Variants in TEX36 observed in about 807,000 individuals in gnomAD.
The protein encoded by TEX36 is testis expressed 36, also known as testis-expressed protein 36.
In TEX36, 12 loss-of-function variants were observed where a neutral mutation model predicts 13.6. That is an observed-to-expected ratio of 0.88 (90% CI 0.56 to 1.43). TEX36 has a LOEUF of 1.43. Among genes scored for constraint, TEX36 ranks in the 40% most tolerant of loss-of-function variants. TEX36 has a pLI of 0.00. For missense variants in TEX36, 224 were observed against 228.3 expected, an observed-to-expected ratio of 0.98 and a Z score of 0.12; for synonymous variants, 93 against 83.0, an observed-to-expected ratio of 1.12 and a Z score of -0.65.
Position 125,581,515 on chromosome 10 carries a change from T to C in TEX36, c.265-4641A>G, listed in dbSNP as rs552054720. The stretch of plus-strand genomic sequence containing the variant: ...CTGTCCCACTTTTCCCCCAGGTCCT[T>C]ACAAGGACTTTCTGGAAACACCTTT... On this transcript the variant is annotated intron_variant, in intron 3 of 3. Coordinates refer to the TEX36 transcript ENST00000532135. Among the ~76,000 whole-genome samples, 164 of 152,292 alleles carry C rather than the reference T, an allele frequency of 1.1e-3. 2 individuals carry two copies. The South Asian group carries it at 0.013, about 12-fold the overall frequency.
At position 125,661,892 on chromosome 10, in the gene TEX36, C is replaced by G. The variant is rs915956846; in HGVS notation, c.137G>C (p.Arg46Pro). ...GGGCGGCAGCTTCCCCTCCGCTTGC[C>G]GAGGCAAGTGTGGACTCTGGGGCTC... ...SKEPQSPHLP[R>P]QAEGKLPPIY... The change falls in exon 2 of 4, where the codon CGG (arginine) becomes CCG (proline). Residue 46 changes from arginine to proline, a missense_variant. Transcript: ENST00000368821. 3 of 1,552,020 alleles carry G rather than the reference C, an allele frequency of 1.9e-6. No homozygotes were observed. In the African/African-American group the frequency reaches 4.1e-5, roughly 21 times the overall value.
At chr10:125,658,470 G>A (rs1031337175) in intron 3 of TEX36, among the ~76,000 whole-genome samples, 1 of 151,898 alleles carries the variant, frequency 6.6e-6, no homozygotes, top group African/African-American at 2.4e-5. Context: ...GAAATTGACA[G>A]ATCAATACAA....
intron 3 of TEX36, among the ~76,000 whole-genome samples, chr10:125,625,889 G>A (rs1311516297): frequency 3.9e-5 from 6 of 152,200 alleles, no homozygotes; most frequent in African/African-American, 1.2e-4. Flanking sequence ...CTCTGAGCAC[G>A]CTCCCTCTGG....
intron 3 of TEX36, among the ~76,000 whole-genome samples, chr10:125,580,601 C>T (rs1565165660): frequency 6.6e-6 from 1 of 152,152 alleles, no homozygotes; most frequent in Non-Finnish European, 1.5e-5. Context: ...TGGAAGGGAT[C>T]AGACCCCAAC....
intron 3 of TEX36, among the ~76,000 whole-genome samples, chr10:125,580,973 CAG>C (rs890067500): frequency 1.3e-5 from 2 of 152,124 alleles, no homozygotes; most frequent in African/African-American, 4.8e-5. Flanking sequence ...CACTTGCTGT[CAG>C]AGAGAGTGAA....
chr10:125,609,685 T>C (rs1020697061), intron 3 of TEX36, among the ~76,000 whole-genome samples: 8 of 152,214 alleles, frequency 5.3e-5, no homozygotes, highest in Non-Finnish European at 7.3e-5. Flanking sequence ...ACATTTGCCC[T>C]GTTTATATGA....
Position 125,677,225 on chromosome 10 carries a change from G to A in TEX36, c.51+5714C>T, listed in dbSNP as rs1485582440. ...CTGCCTGGGGACTGTTGAATTTCTT[G>A]TACCAGAATGTCTAGATCTCTTTCT... is the stretch of plus-strand genomic sequence containing the variant. On this transcript the variant is annotated intron_variant, in intron 1 of 3. Transcript: ENST00000368821. Among the ~76,000 whole-genome samples the A allele has an allele frequency of 2.0e-5, 3 of 152,118 alleles. No individual in the cohort carries two copies. In the East Asian group the frequency reaches 5.8e-4, roughly 29 times the overall value.
chr10:125,662,011 G>C, intron 1 of TEX36, 34 bp from the exon 2 acceptor site: 1 of 1,552,114 alleles, frequency 6.4e-7, no homozygotes. Flanking sequence ...ATTAAAACCA[G>C]ACACATTTGA....
chr10:125,682,127 A>G (rs1847405642), intron 1 of TEX36, among the ~76,000 whole-genome samples: 1 of 152,182 alleles, frequency 6.6e-6, no homozygotes, highest in South Asian at 2.1e-4. Context: ...CTTTTTGTGA[A>G]TGAATTGTAG....
chr10:125,647,739 A>T (rs571988825), intron 3 of TEX36, among the ~76,000 whole-genome samples: 2 of 152,260 alleles, frequency 1.3e-5, no homozygotes, highest in East Asian at 3.9e-4. Context: ...GGGGTCAGGG[A>T]ATTCCCTTTC....
At chr10:125,662,869 G>C (rs538876298) in intron 1 of TEX36, among the ~76,000 whole-genome samples, 4 of 152,322 alleles carry the variant, frequency 2.6e-5, no homozygotes, top group African/African-American at 9.6e-5. Flanking sequence ...CTGAAGGGGG[G>C]TGTGGCTAGC....
At chr10:125,610,825 A>G (rs905714270) in intron 3 of TEX36, among the ~76,000 whole-genome samples, 2 of 152,122 alleles carry the variant, frequency 1.3e-5, no homozygotes, top group Admixed American at 1.3e-4. Context: ...TTTCATCTGG[A>G]ATTTACATTT....
At chr10:125,615,154 G>T (rs1436609806) in intron 3 of TEX36, among the ~76,000 whole-genome samples, 1 of 152,144 alleles carries the variant, frequency 6.6e-6, no homozygotes, top group Admixed American at 6.5e-5. Context: ...CTTTGCTGAA[G>T]TTGCTTATCA....
rs144152698 is a variant in TEX36, at chr10:125,674,241, G to A, written c.51+8698C>T. 3.3e-5 allele frequency among the ~76,000 whole-genome samples: 5 copies of A among 152,140 alleles called. No homozygotes were observed. In the East Asian group the frequency reaches 7.7e-4, roughly 24 times the overall value. On this transcript the variant is annotated intron_variant, in intron 1 of 3. Coordinates refer to ENST00000368821, the MANE Select transcript of TEX36 (RefSeq NM_001128202.3). ...TTGATACTTGTGGTTGCATTGTGAC[G>A]TTTTCATGTTGAGTTTTTCAGCTCC...
intron 1 of TEX36, among the ~76,000 whole-genome samples, chr10:125,670,306 A>G (rs1245473480): frequency 6.6e-6 from 1 of 152,202 alleles, no homozygotes; most frequent in East Asian, 1.9e-4. Context: ...ATCAGATGGT[A>G]TCTCATTGTG....
chr10:125,625,577 G>A (rs1215424918), intron 3 of TEX36, among the ~76,000 whole-genome samples: 6 of 152,250 alleles, frequency 3.9e-5, no homozygotes, highest in Non-Finnish European at 1.5e-5. Context: ...GAGGCAGACT[G>A]GAAGGTGAAA....
At chr10:125,633,923 G>C (rs1428714405) in intron 3 of TEX36, among the ~76,000 whole-genome samples, 1 of 152,120 alleles carries the variant, frequency 6.6e-6, no homozygotes, top group African/African-American at 2.4e-5. Context: ...CGGGAGGCAG[G>C]GAGCACTTTA....
intron 3 of TEX36, among the ~76,000 whole-genome samples, chr10:125,645,803 T>TA (rs534824161): frequency 1.0e-4 from 15 of 150,732 alleles, no homozygotes; most frequent in African/African-American, 1.9e-4. Context: ...TTATTCCCTC[T>TA]AAAAAAAAAT....
chr10:125,663,990 C>A lies in TEX36; in HGVS notation c.52-2013G>T, dbSNP rs150393217. 2.7e-3 allele frequency among the ~76,000 whole-genome samples: 410 copies of A among 152,178 alleles called. 2 individuals carry two copies. Among genetic ancestry groups the A allele is most frequent in the African/African-American group, 8.8e-3 (367 of 41,508 alleles). ...TTGTACCATTTTCCATCCCCATGTC[C>A]CTCACCACTACCTTTCCTAGCCTCT... On this transcript the variant is annotated intron_variant, in intron 1 of 3. Transcript: ENST00000368821.
Sources: gnomAD v4.1 joint callset for allele counts (sites outside exome capture counted in the v4.1 genomes callset) on GRCh38, gnomAD v4.1.1 for gene constraint, MANE v1.5 for transcripts, NCBI Gene and HGNC (gene_info 2026-07-23, HGNC 2026-07-21) for gene names.